Variants in LUZP2 observed in about 807,000 individuals in gnomAD.
The protein encoded by LUZP2 is leucine zipper protein 2.
A neutral mutation model predicts 51.6 loss-of-function variants in LUZP2; 52 were observed. The ratio of observed to expected loss-of-function variants is 1.01; its 90% CI spans 0.81 to 1.27. The LOEUF (loss-of-function observed/expected upper bound fraction) is 1.27, where lower values mean the gene tolerates loss of function less well. Among genes scored for constraint, LUZP2 ranks in the 50% most tolerant of loss-of-function variants. The pLI is 0.00. For missense variants in LUZP2, 436 were observed against 395.4 expected (o/e 1.10, Z -0.87); for synonymous variants, 154 against 137.3 (o/e 1.12, Z -0.85).
At chr11:25,016,388 A>T (rs1045783803) in intron 9 of LUZP2, among the ~76,000 whole-genome samples, 2 of 152,042 alleles carry the variant, frequency 1.3e-5, no homozygotes, top group African/African-American at 4.8e-5. Context: ...CTCAGCTACA[A>T]TTGAGAACCT....
intron 9 of LUZP2, among the ~76,000 whole-genome samples, chr11:25,030,954 T>TATTATATAG (rs1857648486): frequency 3.3e-4 from 1 of 3,006 alleles, no homozygotes; most frequent in African/African-American, 7.5e-4. Context: ...ATATTATATA[T>TATTATATAG]ATAATACAAT....
At chr11:24,704,849 T>C (rs975047042) in intron 1 of LUZP2, among the ~76,000 whole-genome samples, 11 of 152,250 alleles carry the variant, frequency 7.2e-5, no homozygotes, top group African/African-American at 2.6e-4. Flanking sequence ...ATATGACTTA[T>C]CTATAGTCCC....
chr11:24,743,413 T>C (rs1859258123), intron 4 of LUZP2, among the ~76,000 whole-genome samples: 1 of 152,094 alleles, frequency 6.6e-6, no homozygotes, highest in Admixed American at 6.6e-5. Flanking sequence ...GCCTCCTTGG[T>C]TAGGTATATT....
intron 9 of LUZP2, among the ~76,000 whole-genome samples, chr11:25,041,595 C>T (rs559492638): frequency 1.1e-4 from 16 of 152,028 alleles, no homozygotes; most frequent in African/African-American, 1.4e-4. Context: ...TGATTATATA[C>T]GTATATAAAG....
At chr11:24,898,085 GA>G (rs1853142217) in intron 5 of LUZP2, among the ~76,000 whole-genome samples, 2 of 151,868 alleles carry the variant, frequency 1.3e-5, no homozygotes, top group African/African-American at 2.4e-5. Context: ...CTATTGAGAA[GA>G]AAAAAACTGG....
chr11:24,949,605 T>G (rs1266267232), intron 7 of LUZP2, among the ~76,000 whole-genome samples: 1 of 151,544 alleles, frequency 6.6e-6, no homozygotes, highest in Admixed American at 6.6e-5. Flanking sequence ...AACATTATCT[T>G]CAATACAAAC....
intron 1 of LUZP2, among the ~76,000 whole-genome samples, chr11:24,540,199 C>T (rs1057395605): frequency 1.3e-5 from 2 of 152,074 alleles, no homozygotes; most frequent in Non-Finnish European, 2.9e-5. Context: ...AACCATGTCT[C>T]TCTTTACAAT....
At chr11:25,015,953 C>G (rs1045262489) in intron 9 of LUZP2, among the ~76,000 whole-genome samples, 3 of 143,258 alleles carry the variant, frequency 2.1e-5, no homozygotes, top group African/African-American at 7.9e-5. Context: ...TGGAGTCTCT[C>G]TCTGTCACCC....
chr11:24,996,967 C>T (rs1337220522), intron 9 of LUZP2, among the ~76,000 whole-genome samples: 3 of 150,658 alleles, frequency 2.0e-5, no homozygotes, highest in Non-Finnish European at 4.4e-5. Flanking sequence ...TTTATGGCTG[C>T]ATAGTATTCC....
At position 24,998,309 on chromosome 11, in the gene LUZP2, G is replaced by T. The variant is rs1488274227; in HGVS notation, c.765+15016G>T. The stretch of plus-strand genomic sequence containing the variant: ...CTTTTATTTCATTGAGCAGTGGTTT[G>T]TAGTTCTCCTTGAAGAGGTCCTTCA... On this transcript the variant is annotated intron_variant, in intron 9 of 11. Coordinates refer to ENST00000336930, the MANE Select transcript of LUZP2 (RefSeq NM_001009909.4). 3.3e-5 allele frequency among the ~76,000 whole-genome samples: 5 copies of T among 152,264 alleles called. 1 individual carries two copies. The East Asian group carries it at 7.7e-4, about 24-fold the overall frequency.
At chr11:24,866,853 G>C (rs1295318333) in intron 5 of LUZP2, among the ~76,000 whole-genome samples, 1 of 152,104 alleles carries the variant, frequency 6.6e-6, no homozygotes, top group East Asian at 1.9e-4. Flanking sequence ...TCAGGCTTGG[G>C]AAATATTCAG....
chr11:24,644,909 A>C (rs1459486046), intron 1 of LUZP2, among the ~76,000 whole-genome samples: 2 of 152,194 alleles, frequency 1.3e-5, no homozygotes, highest in African/African-American at 4.8e-5. Flanking sequence ...TTCAGATAAA[A>C]AACAAGTGGG....
intron 10 of LUZP2, among the ~76,000 whole-genome samples, chr11:25,050,395 C>G (rs548928569): frequency 6.7e-6 from 1 of 150,006 alleles, no homozygotes; most frequent in South Asian, 2.1e-4. Context: ...TCCGCCGCCT[C>G]CCGGGTTCAC....
chr11:25,036,515 G>C (rs967883854), intron 9 of LUZP2, among the ~76,000 whole-genome samples: 2 of 137,310 alleles, frequency 1.5e-5, no homozygotes, highest in Non-Finnish European at 3.2e-5. Flanking sequence ...TGCTAGCTTT[G>C]GGGTTAGTTT....
intron 1 of LUZP2, among the ~76,000 whole-genome samples, chr11:24,708,897 T>C (rs1475253039): frequency 6.6e-6 from 1 of 152,218 alleles, no homozygotes; most frequent in Non-Finnish European, 1.5e-5. Context: ...AGTCTGCATG[T>C]TGGAGCTTTT....
intron 4 of LUZP2, among the ~76,000 whole-genome samples, chr11:24,756,723 T>C (rs959329761): frequency 2.6e-5 from 4 of 152,186 alleles, no homozygotes; most frequent in Admixed American, 6.5e-5. Flanking sequence ...TTTGTTCTAC[T>C]AAGAAGTAGC....
At chr11:24,848,133 T>TA (rs572401769) in intron 5 of LUZP2, among the ~76,000 whole-genome samples, 205 of 127,318 alleles carry the variant, frequency 1.6e-3, no homozygotes, top group African/African-American at 6.3e-3. Context: ...ACAGGACTAA[T>TA]ATATGATTGA....
chr11:25,020,619 C>G (rs1857304075), intron 9 of LUZP2, among the ~76,000 whole-genome samples: 1 of 152,018 alleles, frequency 6.6e-6, no homozygotes. Context: ...TGATTCTGTT[C>G]AGTTTTGATT....
chr11:24,729,304 T>A lies in LUZP2; in HGVS notation c.180+18T>A, dbSNP rs566076736. 3.0e-6 allele frequency: 4 copies of A among 1,353,328 alleles called. No individual in the cohort carries two copies. The South Asian group carries it at 4.2e-5, about 14-fold the overall frequency. The allele number at this position is 1,353,328 out of a possible 1,614,324, so 83.8% of individuals were successfully genotyped here. ...ATCTTCAGGTGAGATGAGAACTCAT[T>A]TTCCGAGCAGTAAAAGAGGAGCAGT... On this transcript the variant is annotated intron_variant, in intron 2 of 11. Transcript: ENST00000336930.
Sources: gnomAD v4.1 joint callset for allele counts (sites outside exome capture counted in the v4.1 genomes callset) on GRCh38, gnomAD v4.1.1 for gene constraint, MANE v1.5 for transcripts, NCBI Gene and HGNC (gene_info 2026-07-23, HGNC 2026-07-21) for gene names.